KLF8: variants seen among roughly 807,000 people sequenced by gnomAD.
The protein encoded by KLF8 is KLF transcription factor 8.
In KLF8, 10 loss-of-function variants were observed where a neutral mutation model predicts 18.2. The ratio of observed to expected loss-of-function variants is 0.55; its 90% confidence interval spans 0.34 to 0.93. The LOEUF (loss-of-function observed/expected upper bound fraction) is 0.93, where lower values mean the gene tolerates loss of function less well. Among genes scored for constraint, KLF8 ranks in the 40% least tolerant of loss-of-function variants. The probability of loss-of-function intolerance (pLI) is 0.02; values close to 1 mark genes in which losing one functional copy is unlikely to be tolerated. For synonymous variants in KLF8, 109 were observed against 97.3 expected (o/e 1.12, Z -0.71); for missense variants, 264 against 277.9 (o/e 0.95, Z 0.36).
the KLF8 span, among the ~76,000 whole-genome samples, chrX:56,212,088 C>A: frequency 9.0e-6 from 1 of 111,358 alleles, no homozygotes; most frequent in Non-Finnish European, 1.9e-5. Context: ...TTCTGGCCCA[C>A]GATGTGTCTA....
chrX:56,196,980 T>G, the KLF8 span, among the ~76,000 whole-genome samples: 12 of 112,038 alleles, frequency 1.1e-4, no homozygotes, highest in African/African-American at 3.9e-4. Context: ...CAGAACAACC[T>G]GCTCCTGAAT....
the KLF8 span, among the ~76,000 whole-genome samples, chrX:56,007,454 TG>T: frequency 9.0e-6 from 1 of 111,609 alleles, no homozygotes; most frequent in African/African-American, 3.3e-5. Flanking sequence ...GGCTTCTCCA[TG>T]GCTAGGATTA....
At chrX:55,989,475 C>A in the KLF8 span, among the ~76,000 whole-genome samples, 1 of 112,265 alleles carries the variant, frequency 8.9e-6, no homozygotes, top group East Asian at 2.8e-4. Flanking sequence ...TGGTTTTTGT[C>A]TTTGGTTCTG....
the KLF8 span, among the ~76,000 whole-genome samples, chrX:56,150,485 C>G: frequency 8.9e-6 from 1 of 111,758 alleles, no homozygotes; most frequent in Non-Finnish European, 1.9e-5. Context: ...ACTCCAGCAC[C>G]TGGTACAACA....
the KLF8 span, among the ~76,000 whole-genome samples, chrX:56,180,204 C>G: frequency 9.0e-5 from 10 of 110,975 alleles, no homozygotes; most frequent in African/African-American, 2.6e-4. Flanking sequence ...TCAACTTCTT[C>G]GGAAGGTGTA....
rs139841730 is a variant in KLF8, at chrX:56,265,423, C to T, written c.325C>T (p.Arg109Cys). 2.1e-4 allele frequency: 254 copies of T among 1,209,253 alleles called. No homozygotes were observed. Among genetic ancestry groups the T allele is most frequent in the Non-Finnish European group, 2.7e-4 (238 of 894,665 alleles). Reference protein sequence around the residue: ...QPASMLQAPIRPPKPQSSPQT... With the variant: ...QPASMLQAPICPPKPQSSPQT... ...TGCTAGCATGCTACAAGCTCCAATA[C>T]GTCCCCCCAAGCCACAGTCTTCTCC... The change falls in exon 3 of 6, where the codon CGT (arginine) becomes TGT (cysteine). Residue 109 changes from arginine (R) to cysteine (C), a missense_variant. Arg to Cys is a radical substitution (Grantham distance 180). Coordinates refer to ENST00000468660, the MANE Select transcript of KLF8 (RefSeq NM_007250.5).
At chrX:55,939,539 A>G in the KLF8 span, among the ~76,000 whole-genome samples, 11 of 112,118 alleles carry the variant, frequency 9.8e-5, no homozygotes, top group Middle Eastern at 0.014. Flanking sequence ...AGCAGAACTG[A>G]AGGAAATAGA....
chrX:56,252,333 C>T (rs1313171419), intron 2 of KLF8, among the ~76,000 whole-genome samples: 1 of 111,309 alleles, frequency 9.0e-6, no homozygotes, highest in Non-Finnish European at 1.9e-5. Flanking sequence ...ACTATTTTTT[C>T]GTACACATTC....
At chrX:56,020,256 A>G in the KLF8 span, among the ~76,000 whole-genome samples, 14 of 111,191 alleles carry the variant, frequency 1.3e-4, no homozygotes, top group Non-Finnish European at 1.9e-5. Flanking sequence ...AGCTCTGGGG[A>G]AAAAAAAGGA....
At chrX:56,263,237 G>A (rs1354152056) in intron 2 of KLF8, among the ~76,000 whole-genome samples, 1 of 111,655 alleles carries the variant, frequency 9.0e-6, no homozygotes, top group Non-Finnish European at 1.9e-5. Flanking sequence ...CCACCCATGA[G>A]GGATGGGTTA....
chrX:55,910,718 T>G, the KLF8 span, among the ~76,000 whole-genome samples: 7 of 112,371 alleles, frequency 6.2e-5, no homozygotes, highest in Admixed American at 6.6e-4. Context: ...TTCTATTGCA[T>G]TAAAGAGAAT....
chrX:56,167,404 A>G, the KLF8 span, among the ~76,000 whole-genome samples: 2 of 112,138 alleles, frequency 1.8e-5, no homozygotes, highest in African/African-American at 3.2e-5. Context: ...TGCTGGGATT[A>G]CGGTGCAAGC....
the KLF8 span, among the ~76,000 whole-genome samples, chrX:55,940,463 G>A: frequency 9.0e-5 from 10 of 111,642 alleles, no homozygotes; most frequent in Admixed American, 6.7e-4. Flanking sequence ...TTTGAACACT[G>A]GCACAAAACA....
the KLF8 span, among the ~76,000 whole-genome samples, chrX:56,148,638 T>C: frequency 4.5e-5 from 5 of 112,058 alleles, no homozygotes; most frequent in Non-Finnish European, 9.4e-5. Context: ...GGACTCACAG[T>C]TCCACATGGC....
At chrX:56,113,960 G>A in the KLF8 span, among the ~76,000 whole-genome samples, 2 of 111,758 alleles carry the variant, frequency 1.8e-5, no homozygotes, top group African/African-American at 6.5e-5. Context: ...GAGCTAGCAG[G>A]GGGACTGACT....
chrX:56,217,746 G>T, the KLF8 span, among the ~76,000 whole-genome samples: 1 of 111,746 alleles, frequency 8.9e-6, no homozygotes, highest in Non-Finnish European at 1.9e-5. Flanking sequence ...AAAGGCTAAA[G>T]ATATTGGTTG....
chrX:56,039,796 T>A, the KLF8 span, among the ~76,000 whole-genome samples: 2 of 111,660 alleles, frequency 1.8e-5, no homozygotes, highest in African/African-American at 6.5e-5. Flanking sequence ...GGGAATAACA[T>A]TGAGTCTATA....
At chrX:56,139,904 C>A in the KLF8 span, among the ~76,000 whole-genome samples, 1 of 111,643 alleles carries the variant, frequency 9.0e-6, no homozygotes, top group African/African-American at 3.3e-5. Context: ...TATCCATAAT[C>A]TGTAAGGAAC....
At chrX:56,069,281 T>A in the KLF8 span, among the ~76,000 whole-genome samples, 3 of 112,080 alleles carry the variant, frequency 2.7e-5, no homozygotes, top group Admixed American at 9.4e-5. Context: ...ATCTAATCCC[T>A]GCCACTGAGA....
Sources: allele counts gnomAD v4.1 joint callset (sites outside exome capture counted in the v4.1 genomes callset), GRCh38; gene constraint gnomAD v4.1.1; transcripts MANE v1.5; gene names NCBI Gene and HGNC (gene_info 2026-07-23, HGNC 2026-07-21).